Variants in TIAM1 observed in about 807,000 individuals in gnomAD.
The protein encoded by TIAM1 is TIAM Rac1 associated GEF 1, also known as rho guanine nucleotide exchange factor TIAM1.
A neutral mutation model predicts 163.5 loss-of-function variants in TIAM1; 65 were observed. That is an observed-to-expected ratio of 0.40 (90% CI 0.33 to 0.49). The LOEUF (loss-of-function observed/expected upper bound fraction) is 0.49. TIAM1 is among the 20% of genes least tolerant of loss of function. TIAM1 has a pLI of 0.77. For missense variants in TIAM1, 1,789 were observed against 2,044.7 expected, an observed-to-expected ratio of 0.87 and a Z score of 2.41; for synonymous variants, 833 against 810.1, an observed-to-expected ratio of 1.03 and a Z score of -0.48.
chr21:31,490,539 GGCCA>G (rs1203239632), intron 1 of TIAM1, among the ~76,000 whole-genome samples: 1 of 152,074 alleles, frequency 6.6e-6, no homozygotes, highest in Non-Finnish European at 1.5e-5. Flanking sequence ...TTCATTCTCA[GGCCA>G]GGACAGACTC....
intron 2 of TIAM1, among the ~76,000 whole-genome samples, chr21:31,289,685 G>C (rs1242299771): frequency 1.3e-5 from 2 of 152,136 alleles, no homozygotes; most frequent in Non-Finnish European, 2.9e-5. Flanking sequence ...AAATCAAACA[G>C]AGCCCATATT....
intron 22 of TIAM1, among the ~76,000 whole-genome samples, chr21:31,139,265 AT>A (rs1297003302): frequency 6.6e-6 from 1 of 152,316 alleles, no homozygotes; most frequent in East Asian, 1.9e-4. Flanking sequence ...CTAATAATTA[AT>A]TTGGCATATA....
rs764868366 is a variant in TIAM1, at chr21:31,120,737, T to C, written c.4407A>G (p.Lys1469=). The change falls in exon 28 of 28, where the codon AAA becomes AAG. Residue 1469 remains lysine (K), a synonymous_variant. Coordinates refer to ENST00000541036, the MANE Select transcript of TIAM1 (RefSeq NM_001353694.2). This position sits in a 1 kb window ranked among gnomAD's most constrained non-coding sequence, Gnocchi z 4.2. The stretch of plus-strand genomic sequence containing the variant: ...CACCACCGGGGGGCTGCTGGGACTC[T>C]TTCTCCGGGCTGCTTGCGGAGACGG... ...SDAVSASSPE[K]ESQQPPGGGD... 4 of 1,613,972 alleles carry C rather than the reference T, an allele frequency of 2.5e-6. No homozygotes were observed. Among genetic ancestry groups the C allele is most frequent in the Non-Finnish European group, 1.7e-6 (2 of 1,180,008 alleles).
In TIAM1 at chr21:31,126,644, C is replaced by T. The variant is rs150704430; in HGVS notation, c.4133+421G>A. On this transcript the variant is annotated intron_variant, in intron 26 of 27. Coordinates refer to ENST00000541036, the MANE Select transcript of TIAM1 (RefSeq NM_001353694.2). ...CACATTTAAAGCCAAATATATTAAA[C>T]GCCATCTGTTGGAGTCATCTATCTT... Among the ~76,000 whole-genome samples, 699 of 152,032 alleles carry T rather than the reference C, an allele frequency of 4.6e-3. 2 individuals carry two copies. Among genetic ancestry groups the T allele is most frequent in the African/African-American group, 0.016 (653 of 41,486 alleles).
chr21:31,453,880 G>A (rs1373199484), intron 2 of TIAM1, among the ~76,000 whole-genome samples: 3 of 151,952 alleles, frequency 2.0e-5, no homozygotes, highest in Non-Finnish European at 2.9e-5. Flanking sequence ...CCTTCTATAC[G>A]CTCCTTCTTG....
chr21:31,271,896 A>G (rs2073074580), intron 3 of TIAM1, among the ~76,000 whole-genome samples: 1 of 152,166 alleles, frequency 6.6e-6, no homozygotes, highest in Non-Finnish European at 1.5e-5. Context: ...CAACACCATG[A>G]TCCCTCTCTT....
Position 31,154,440 on chromosome 21 carries a change from G to A in TIAM1, c.2992-14C>T, listed in dbSNP as rs78007898. 43 of 1,608,206 alleles carry A rather than the reference G, an allele frequency of 2.7e-5. No homozygotes were observed. The highest frequency in any genetic ancestry group is 3.1e-5 in the Non-Finnish European group (37 of 1,175,932). ...CTGTTCTGTACTCTTCGGAGCACAG[G>A]GGGGAAGGGAAGGCAGAGGTCATTA... is the stretch of plus-strand genomic sequence containing the variant. On this transcript the variant is annotated splice_polypyrimidine_tract_variant and intron_variant, in intron 16 of 27. Transcript: ENST00000541036.
chr21:31,333,933 T>C (rs1308577719), intron 2 of TIAM1, among the ~76,000 whole-genome samples: 4 of 152,270 alleles, frequency 2.6e-5, no homozygotes, highest in Admixed American at 1.3e-4. Flanking sequence ...ATATGAAGCA[T>C]AGTAACTAGA....
chr21:31,240,879 T>C (rs1164149463), intron 6 of TIAM1, among the ~76,000 whole-genome samples: 1 of 152,170 alleles, frequency 6.6e-6, no homozygotes, highest in African/African-American at 2.4e-5. Flanking sequence ...TTTGGCTGTG[T>C]CCCCACCTAA....
chr21:31,212,038 A>C (rs1400804642), intron 10 of TIAM1, among the ~76,000 whole-genome samples: 1 of 152,202 alleles, frequency 6.6e-6, no homozygotes, highest in African/African-American at 2.4e-5. Context: ...ATCAAAAACT[A>C]TGCTTGGATT....
chr21:31,290,488 T>A (rs1025095901), intron 2 of TIAM1, among the ~76,000 whole-genome samples: 1 of 150,364 alleles, frequency 6.7e-6, no homozygotes, highest in East Asian at 2.0e-4. Context: ...AAGAAAAAAA[T>A]ATATAAAAAT....
At chr21:31,491,221 A>G (rs956039267) in intron 1 of TIAM1, among the ~76,000 whole-genome samples, 1 of 152,226 alleles carries the variant, frequency 6.6e-6, no homozygotes, top group East Asian at 1.9e-4. Flanking sequence ...AGTGGAGTAG[A>G]AAAGTGGAAA....
intron 2 of TIAM1, among the ~76,000 whole-genome samples, chr21:31,387,794 G>A (rs775717055): frequency 3.9e-5 from 6 of 152,022 alleles, no homozygotes; most frequent in Admixed American, 3.9e-4. Flanking sequence ...GAGGGAAGCC[G>A]GCAGCAGCAG....
chr21:31,490,766 C>T (rs2046438924), intron 1 of TIAM1, among the ~76,000 whole-genome samples: 1 of 152,208 alleles, frequency 6.6e-6, no homozygotes. Flanking sequence ...CCTCTTCATT[C>T]AAGTGTTGTT....
intron 2 of TIAM1, among the ~76,000 whole-genome samples, chr21:31,410,183 TGA>T (rs1486343620): frequency 1.3e-5 from 2 of 149,370 alleles, no homozygotes; most frequent in Non-Finnish European, 2.9e-5. Flanking sequence ...GGTGTATGTG[TGA>T]GTGTGAAACA....
intron 4 of TIAM1, among the ~76,000 whole-genome samples, chr21:31,260,086 CA>C (rs2072368169): frequency 6.7e-6 from 1 of 148,848 alleles, no homozygotes; most frequent in Non-Finnish European, 1.5e-5. Context: ...AACAGGTACT[CA>C]CCATGGCCAG....
chr21:31,363,518 C>A (rs1295124685), intron 2 of TIAM1, among the ~76,000 whole-genome samples: 4 of 152,086 alleles, frequency 2.6e-5, no homozygotes, highest in African/African-American at 4.8e-5. Flanking sequence ...CTCCATACCA[C>A]ATATTTGTGC....
chr21:31,363,748 G>GCAGA (rs1161748228), intron 2 of TIAM1, among the ~76,000 whole-genome samples: 2 of 152,128 alleles, frequency 1.3e-5, no homozygotes, highest in Non-Finnish European at 2.9e-5. Flanking sequence ...TGGAGCAGCT[G>GCAGA]CAGACGCTTT....
chr21:31,380,055 G>A (rs1270188270), intron 2 of TIAM1, among the ~76,000 whole-genome samples: 1 of 152,112 alleles, frequency 6.6e-6, no homozygotes, highest in African/African-American at 2.4e-5. Flanking sequence ...TTTGACTCAG[G>A]AGTTCAAGAT....
Sources: allele counts gnomAD v4.1 joint callset (sites outside exome capture counted in the v4.1 genomes callset), GRCh38; gene constraint gnomAD v4.1.1; non-coding constraint Gnocchi (gnomAD v3.1); transcripts MANE v1.5; gene names NCBI Gene and HGNC (gene_info 2026-07-23, HGNC 2026-07-21).